Variants in EVL observed in about 807,000 individuals in gnomAD.
The protein encoded by EVL is ena/VASP-like protein.
Under a neutral mutation model 59.6 loss-of-function variants are expected in EVL, and 21 were observed. The ratio of observed to expected loss-of-function variants is 0.35; its 90% CI spans 0.25 to 0.51. The LOEUF is 0.51. Among genes scored for constraint, EVL ranks in the 20% least tolerant of loss-of-function variants. EVL has a pLI of 0.97. For missense variants in EVL, 462 were observed against 546.6 expected, an observed-to-expected ratio of 0.85 and a Z score of 1.54; for synonymous variants, 198 against 203.5, an observed-to-expected ratio of 0.97 and a Z score of 0.23.
chr14:100,026,299 A>T (rs917088447), intron 1 of EVL, among the ~76,000 whole-genome samples: 1 of 151,788 alleles, frequency 6.6e-6, no homozygotes, highest in African/African-American at 2.4e-5. Flanking sequence ...GTAGGTATCT[A>T]ATAAATATTT....
At chr14:100,060,562 G>T (rs185621594), upstream of EVL, among the ~76,000 whole-genome samples, 1 of 152,060 alleles carries the variant, frequency 6.6e-6, no homozygotes. Flanking sequence ...CAGATCAATA[G>T]ATATCTAATC....
chr14:100,128,414 GAGC>G (rs1001661317), intron 5 of EVL, 102 bp from the exon 6 acceptor site: 3 of 1,158,814 alleles, frequency 2.6e-6, no homozygotes, highest in Non-Finnish European at 3.9e-6. Context: ...TCCCTTTGGG[GAGC>G]AGCCTGCCCC....
chr14:99,979,734 T>C (rs2060794482), intron 1 of EVL, among the ~76,000 whole-genome samples: 1 of 152,056 alleles, frequency 6.6e-6, no homozygotes, highest in Admixed American at 6.6e-5. Context: ...CCGGGCGTGG[T>C]GGCAGGCGCC....
chr14:99,987,458 A>G (rs890172386), intron 1 of EVL, among the ~76,000 whole-genome samples: 1 of 152,154 alleles, frequency 6.6e-6, no homozygotes, highest in Non-Finnish European at 1.5e-5. Context: ...CCTGGCCAAC[A>G]TGGCAAAACC....
At chr14:100,053,360 ATTC>A (rs1362299320) in intron 1 of EVL, among the ~76,000 whole-genome samples, 1 of 151,768 alleles carries the variant, frequency 6.6e-6, no homozygotes, top group African/African-American at 2.4e-5. Flanking sequence ...TTCTATTTTT[ATTC>A]TCCTCATGGC....
chr14:100,045,392 G>A (rs1566982212), intron 1 of EVL, among the ~76,000 whole-genome samples: 1 of 152,160 alleles, frequency 6.6e-6, no homozygotes, highest in Non-Finnish European at 1.5e-5. Flanking sequence ...GTCTTCTTGA[G>A]GGCCAGGACT....
In EVL at chr14:100,137,753, G is replaced by T; in HGVS notation, c.1045G>T (p.Ala349Ser). 2 of 1,614,096 alleles carry T rather than the reference G, an allele frequency of 1.2e-6. No homozygotes were observed. The highest frequency in any genetic ancestry group is 1.7e-6 in the Non-Finnish European group (2 of 1,180,022). The stretch of plus-strand genomic sequence containing the variant: ...CCATTGCCGTAGAACCCCGTCTGTG[G>T]CAAAGAGCCCCGAAGCTAAGAGCCC... The part of the protein sequence containing the change: ...SSILSRTPSV[A>S]KSPEAKSPLQ... The change falls in exon 11 of 14, where the codon GCA (alanine) becomes TCA (serine). Residue 349 changes from alanine (A) to serine (S), a missense_variant. Coordinates refer to ENST00000392920, the MANE Select transcript of EVL (RefSeq NM_016337.3).
chr14:100,085,276 G>C (rs1320872792), intron 2 of EVL, among the ~76,000 whole-genome samples: 2 of 152,036 alleles, frequency 1.3e-5, no homozygotes, highest in African/African-American at 4.8e-5. Flanking sequence ...GAGAACCTGG[G>C]GTCATTTCTC....
chr14:99,985,940 C>A (rs2060837218), intron 1 of EVL, among the ~76,000 whole-genome samples: 1 of 152,022 alleles, frequency 6.6e-6, no homozygotes, highest in African/African-American at 2.4e-5. Flanking sequence ...ACAAATGAAA[C>A]CCTGAATACA....
At chr14:100,071,186 G>A (rs931301717) in intron 1 of EVL, among the ~76,000 whole-genome samples, 1 of 152,106 alleles carries the variant, frequency 6.6e-6, no homozygotes, top group Admixed American at 6.5e-5. Flanking sequence ...AAGGTGTCAG[G>A]GTTTAACACT....
intron 1 of EVL, among the ~76,000 whole-genome samples, chr14:100,074,017 C>T (rs1474145365): frequency 3.9e-5 from 4 of 103,484 alleles, no homozygotes; most frequent in South Asian, 3.4e-4. Flanking sequence ...GCGGTGGGGG[C>T]GGGGGGTCGG....
At chr14:100,038,771 G>GGTGGGTGTGTGTGT (rs1555415166) in intron 1 of EVL, among the ~76,000 whole-genome samples, 2 of 140,916 alleles carry the variant, frequency 1.4e-5, no homozygotes, top group Non-Finnish European at 3.1e-5. Flanking sequence ...TGTGCCCTGG[G>GGTGGGTGTGTGTGT]GTGTGTGTGT....
intron 11 of EVL, chr14:100,138,058 A>C: frequency 6.9e-6 from 4 of 575,932 alleles, no homozygotes; most frequent in Admixed American, 3.1e-5. Context: ...GGGGGCCAAC[A>C]TGGAGTCCCA....
rs1364413883 is a variant in EVL, at chr14:100,084,803, A to G, written c.128A>G (p.Asn43Ser). 2 of 1,614,112 alleles carry G rather than the reference A, an allele frequency of 1.2e-6. No homozygotes were observed. The highest frequency in any genetic ancestry group is 2.2e-5 in the East Asian group (1 of 44,884). Residue 43 changes from asparagine (N) to serine (S), a missense_variant, in exon 2 of 14, where the codon AAC (asparagine) becomes AGC (serine). Transcript: ENST00000392920. ...TTCAGCCGGATCAACATCTACCACA[A>G]CACTGCCAGCAACACCTTCAGAGTC... Reference protein sequence around the residue: ...QGFSRINIYHNTASNTFRVVG... With the variant: ...QGFSRINIYHSTASNTFRVVG...
intron 13 of EVL, among the ~76,000 whole-genome samples, chr14:100,143,320 C>T (rs999670292): frequency 2.0e-5 from 3 of 152,014 alleles, no homozygotes; most frequent in African/African-American, 4.8e-5. Flanking sequence ...GGCTCCCGGG[C>T]CCCCGGCACC....
chr14:100,072,082 A>C (rs1415705616), intron 1 of EVL, among the ~76,000 whole-genome samples: 1 of 152,150 alleles, frequency 6.6e-6, no homozygotes. Context: ...TCACACACAC[A>C]ACATCTTTAT....
chr14:100,125,150 A>ACACCTGCC (rs1555361572), intron 4 of EVL, among the ~76,000 whole-genome samples: 1 of 128,284 alleles, frequency 7.8e-6, no homozygotes, highest in Non-Finnish European at 1.6e-5. Flanking sequence ...ACACACACAC[A>ACACCTGCC]CCTGCCCCAA....
chr14:100,128,871 C>A, intron 6 of EVL, 123 bp downstream of exon 6: 1 of 823,530 alleles, frequency 1.2e-6, no homozygotes, highest in Non-Finnish European at 1.9e-6. Context: ...CCAAAGCTAG[C>A]TGGCCCTTGG....
chr14:100,062,116 C>A (rs1167856787), upstream of EVL, among the ~76,000 whole-genome samples: 2 of 151,386 alleles, frequency 1.3e-5, no homozygotes, highest in East Asian at 1.9e-4. Flanking sequence ...CCGGCCTACG[C>A]AACAGAGTGA....
Sources: allele counts gnomAD v4.1 joint callset (sites outside exome capture counted in the v4.1 genomes callset), GRCh38; gene constraint gnomAD v4.1.1; transcripts MANE v1.5; gene names NCBI Gene and HGNC (gene_info 2026-07-23, HGNC 2026-07-21).